VCL: variants seen among roughly 807,000 people sequenced by gnomAD.
VCL encodes the protein epididymis luminal protein 114.
VCL carries 47 observed loss-of-function variants against 125.7 expected under a neutral mutation model. The observed-to-expected ratio is 0.37, with a 90% confidence interval of 0.30 to 0.48. The LOEUF (loss-of-function observed/expected upper bound fraction) is 0.48. Among genes scored for constraint, VCL ranks in the 20% least tolerant of loss-of-function variants. The pLI, the probability that VCL is intolerant of heterozygous loss-of-function variation, is 0.99. For missense variants in VCL, 1,069 were observed against 1,455.5 expected (o/e 0.73, Z 4.32); for synonymous variants, 458 against 514.6 (o/e 0.89, Z 1.49).
At chr10:74,110,649 C>T (rs1247087755) in intron 18 of VCL, among the ~76,000 whole-genome samples, 1 of 152,186 alleles carries the variant, frequency 6.6e-6, no homozygotes, top group East Asian at 1.9e-4. Context: ...CCCTTGTTGG[C>T]CCTGAATCCT....
intron 1 of VCL, among the ~76,000 whole-genome samples, chr10:74,002,704 A>C (rs1390361153): frequency 1.3e-5 from 2 of 151,428 alleles, no homozygotes; most frequent in African/African-American, 4.8e-5. Flanking sequence ...CAACAGGGTG[A>C]AACCCCGTCT....
At chr10:74,111,234 T>C (rs1840214282) in intron 18 of VCL, among the ~76,000 whole-genome samples, 1 of 152,206 alleles carries the variant, frequency 6.6e-6, no homozygotes. Context: ...TCCTTACAGC[T>C]GGGTGACAGT....
chr10:74,061,373 A>G (rs1294673596), intron 2 of VCL, among the ~76,000 whole-genome samples: 1 of 152,188 alleles, frequency 6.6e-6, no homozygotes, highest in Non-Finnish European at 1.5e-5. Flanking sequence ...TTTACCACAC[A>G]AGGGAACCAT....
At chr10:74,021,752 G>T (rs943746026) in intron 1 of VCL, among the ~76,000 whole-genome samples, 5 of 152,302 alleles carry the variant, frequency 3.3e-5, no homozygotes, top group Admixed American at 6.5e-5. Context: ...GAATGAGAAT[G>T]CAAAAATCTC....
At chr10:74,051,487 A>G (rs1359787733) in intron 2 of VCL, among the ~76,000 whole-genome samples, 2 of 152,138 alleles carry the variant, frequency 1.3e-5, no homozygotes, top group African/African-American at 4.8e-5. Context: ...AATACCTTGT[A>G]TGAGCTGGGT....
At chr10:74,048,030 A>G (rs563814970) in intron 2 of VCL, among the ~76,000 whole-genome samples, 19 of 152,342 alleles carry the variant, frequency 1.2e-4, no homozygotes, top group African/African-American at 4.3e-4. Context: ...AGACTGCAAT[A>G]ATAGCCACAG....
At chr10:74,048,996 T>C (rs1353928596) in intron 2 of VCL, among the ~76,000 whole-genome samples, 1 of 152,072 alleles carries the variant, frequency 6.6e-6, no homozygotes, top group Non-Finnish European at 1.5e-5. Context: ...TAGTCCCAGC[T>C]ACTCAGGAGG....
intron 11 of VCL, among the ~76,000 whole-genome samples, chr10:74,095,270 GAT>G (rs1839948848): frequency 6.6e-6 from 1 of 152,112 alleles, no homozygotes; most frequent in African/African-American, 2.4e-5. Context: ...GATTTTAAAA[GAT>G]AGTGAAATAA....
intron 18 of VCL, among the ~76,000 whole-genome samples, chr10:74,110,435 C>T (rs979931986): frequency 3.3e-5 from 5 of 152,194 alleles, no homozygotes; most frequent in African/African-American, 1.2e-4. Flanking sequence ...AGTTTGCTGA[C>T]TTTGAGTTGT....
intron 19 of VCL, 79 bp from the exon 20 acceptor site, chr10:74,114,105 C>T: frequency 6.4e-7 from 1 of 1,568,436 alleles, no homozygotes; most frequent in Non-Finnish European, 8.7e-7. Context: ...GCTCCCTCCT[C>T]TTCTCTGTGC....
At position 74,119,374 on chromosome 10, in the gene VCL, TG is replaced by T. The variant is rs1293842923; in HGVS notation, c.*1206del. ...TGGTATTTGCAGACTAGAATTCTAG[TG>T]CTGCTGAAGATGAATCAATGGGAAA... On this transcript the variant is annotated 3_prime_UTR_variant, in exon 22 of 22. Transcript: ENST00000211998. The T allele has an allele frequency of 6.6e-6, 1 of 152,224 alleles. No homozygotes were observed. Among genetic ancestry groups the T allele is most frequent in the Non-Finnish European group, 1.5e-5 (1 of 68,050 alleles). 9.4% of individuals were successfully genotyped at this position (152,224 alleles called of 1,614,324 possible). A position where few individuals can be genotyped will look rare whatever the true frequency, so the allele number is the denominator to read the frequency against.
chr10:74,079,992 C>T (rs1323212176), intron 6 of VCL, among the ~76,000 whole-genome samples: 1 of 152,114 alleles, frequency 6.6e-6, no homozygotes, highest in East Asian at 1.9e-4. Flanking sequence ...GTCACACCTC[C>T]CACTGAGCAG....
chr10:74,060,109 C>T (rs1841455498), intron 2 of VCL, among the ~76,000 whole-genome samples: 1 of 152,010 alleles, frequency 6.6e-6, no homozygotes, highest in South Asian at 2.1e-4. Flanking sequence ...CCAGTGTGGG[C>T]AACATAGTGA....
In VCL at chr10:74,080,012, C is replaced by T. The variant is rs576777143; in HGVS notation, c.784-2442C>T. ...ACCTCCCACTGAGCAGTAAATTACT[C>T]ACTTCCTGAGAATTACATTCTTTCC... On this transcript the variant is annotated intron_variant, in intron 6 of 21. Coordinates refer to ENST00000211998, the MANE Select transcript of VCL (RefSeq NM_014000.3). 2.0e-5 allele frequency among the ~76,000 whole-genome samples: 3 copies of T among 152,268 alleles called. No homozygotes were observed. The South Asian group carries it at 6.2e-4, about 32-fold the overall frequency.
At chr10:74,114,674 T>C in intron 20 of VCL, 121 bp from the exon 21 acceptor site, 1 of 1,095,564 alleles carries the variant, frequency 9.1e-7, no homozygotes, top group Non-Finnish European at 1.4e-6. Context: ...TTCTGCTGCT[T>C]ATTTATCGAG....
intron 2 of VCL, among the ~76,000 whole-genome samples, chr10:74,062,112 T>G (rs559521628): frequency 6.8e-4 from 104 of 152,138 alleles, no homozygotes; most frequent in African/African-American, 2.5e-3. Context: ...TTGCCCAGGC[T>G]GGAGTGCAGT....
Position 74,094,293 on chromosome 10 carries a change from G to T in VCL, c.1375G>T (p.Ala459Ser). Residue 459 changes from alanine to serine, a missense_variant, in exon 11 of 22, where the codon GCT (alanine) becomes TCT (serine). Ala to Ser is a moderately conservative substitution (Grantham distance 99). This residue lies in a region of VCL where 760 missense variants were observed against 928.9 expected (regional missense o/e 0.82). Coordinates refer to ENST00000211998, the MANE Select transcript of VCL (RefSeq NM_014000.3). ...TAGGGGGAAAGGAGATTCTCCAGAG[G>T]CTCGAGCCTTGGCCAAACAGGTGGC... is the stretch of plus-strand genomic sequence containing the variant. ...RRQGKGDSPE[A>S]RALAKQVATA... The T allele has an allele frequency of 6.2e-7, 1 of 1,614,152 alleles. No individual in the cohort carries two copies. Among genetic ancestry groups the T allele is most frequent in the Non-Finnish European group, 8.5e-7 (1 of 1,180,040 alleles).
intron 13 of VCL, among the ~76,000 whole-genome samples, chr10:74,100,725 G>C (rs893986064): frequency 6.6e-6 from 1 of 152,228 alleles, no homozygotes; most frequent in African/African-American, 2.4e-5. Context: ...GTGTGTGTGA[G>C]TGTGTTTGTG....
rs1299875074 is a variant in VCL, at chr10:73,998,123, GCA to G, written c.-82_-81del. 13 of 1,556,668 alleles carry G rather than the reference GCA, an allele frequency of 8.4e-6. No homozygotes were observed. Among genetic ancestry groups the G allele is most frequent in the Admixed American group, 3.8e-5 (2 of 53,192 alleles). ...GGGAAGCCCCGACTCCGTAGTCGCTGCACAGTCTGTCTCTTCGCCGGTTCCCG... is the reference window on the plus strand; with the variant it reads ...GGGAAGCCCCGACTCCGTAGTCGCTGCAGTCTGTCTCTTCGCCGGTTCCCG... On this transcript the variant is annotated 5_prime_UTR_variant, in exon 1 of 22. Coordinates refer to ENST00000211998, the MANE Select transcript of VCL (RefSeq NM_014000.3).
Sources: gnomAD v4.1 joint callset for allele counts (sites outside exome capture counted in the v4.1 genomes callset) on GRCh38, gnomAD v4.1.1 for gene constraint, gnomAD v4.1.1 regional missense constraint, MANE v1.5 for transcripts, NCBI Gene and HGNC (gene_info 2026-07-23, HGNC 2026-07-21) for gene names.